The following TEX9 variants were observed in gnomAD, a reference collection of about 807,000 sequenced individuals.
TEX9 encodes the protein testis-expressed protein 9.
In TEX9, 74 loss-of-function variants were observed where a neutral mutation model predicts 59.6. The observed-to-expected ratio is 1.24, with a 90% CI of 1.03 to 1.51. The LOEUF is 1.51. TEX9 is among the 40% of genes most tolerant of loss of function. TEX9 has a pLI of 0.00. For missense variants in TEX9, 522 were observed against 447.8 expected (o/e 1.17, Z -1.49); for synonymous variants, 186 against 152.2 (o/e 1.22, Z -1.64).
At chr15:56,362,181 G>T (rs1379326616), upstream of TEX9, among the ~76,000 whole-genome samples, 2 of 152,112 alleles carry the variant, frequency 1.3e-5, no homozygotes, top group African/African-American at 4.8e-5. Flanking sequence ...GCTAATTGAT[G>T]GTGCTGTCCA....
chr15:56,428,222 A>G (rs1198990872), intron 11 of TEX9, 145 bp from the exon 12 acceptor site: 3 of 570,040 alleles, frequency 5.3e-6, no homozygotes, highest in East Asian at 2.8e-5. Context: ...TTCAAATATC[A>G]TGCTTATTGG....
intron 1 of TEX9, among the ~76,000 whole-genome samples, chr15:56,351,970 A>G (rs1248598203): frequency 6.6e-6 from 1 of 152,220 alleles, no homozygotes; most frequent in Non-Finnish European, 1.5e-5. Flanking sequence ...GGCATTTTAG[A>G]CACTATTATC....
the TEX9 span, among the ~76,000 whole-genome samples, chr15:56,457,900 T>A: frequency 1.7e-3 from 248 of 148,240 alleles, 1 homozygote; most frequent in African/African-American, 5.8e-3. Context: ...TGAAAACTTT[T>A]TATTTAAAAA....
At chr15:56,380,230 T>C (rs1483882308) in intron 3 of TEX9, among the ~76,000 whole-genome samples, 2 of 152,192 alleles carry the variant, frequency 1.3e-5, no homozygotes, top group Non-Finnish European at 2.9e-5. Flanking sequence ...TACTATCATA[T>C]AACCCATTGT....
chr15:56,245,360 C>T (rs1226465601), intron 1 of TEX9, among the ~76,000 whole-genome samples: 1 of 152,182 alleles, frequency 6.6e-6, no homozygotes, highest in African/African-American at 2.4e-5. Flanking sequence ...CGCCCCCCCG[C>T]CCCCGGGGCC....
intron 12 of TEX9, among the ~76,000 whole-genome samples, chr15:56,441,915 G>A (rs937900786): frequency 6.6e-6 from 1 of 152,054 alleles, no homozygotes; most frequent in Non-Finnish European, 1.5e-5. Flanking sequence ...AGCTACTTGG[G>A]AGGCTGAGGC....
At chr15:56,360,032 A>C (rs564910837) in intron 1 of TEX9, among the ~76,000 whole-genome samples, 2 of 152,218 alleles carry the variant, frequency 1.3e-5, no homozygotes, top group South Asian at 4.1e-4. Context: ...TGCTGAATTC[A>C]TTGATTGATT....
intron 1 of TEX9, among the ~76,000 whole-genome samples, chr15:56,294,721 G>T (rs538125624): frequency 5.9e-5 from 9 of 152,216 alleles, no homozygotes; most frequent in Admixed American, 2.6e-4. Flanking sequence ...TAGCTGGGAG[G>T]AAATACCATG....
upstream of TEX9, among the ~76,000 whole-genome samples, chr15:56,363,874 A>G (rs531245543): frequency 1.4e-5 from 2 of 144,972 alleles, no homozygotes; most frequent in African/African-American, 5.2e-5. Flanking sequence ...GTAGAGATGG[A>G]GTCTTGCTGT....
intron 1 of TEX9, among the ~76,000 whole-genome samples, chr15:56,338,514 T>C (rs2046302589): frequency 6.6e-6 from 1 of 152,212 alleles, no homozygotes. Context: ...TGATCCCTTG[T>C]ATAGTGGTGT....
At chr15:56,325,596 T>C (rs1223462629) in intron 1 of TEX9, among the ~76,000 whole-genome samples, 1 of 152,220 alleles carries the variant, frequency 6.6e-6, no homozygotes, top group Non-Finnish European at 1.5e-5. Context: ...ACATTGGCTC[T>C]TCCTGTCTCT....
At chr15:56,282,247 A>G (rs938131927) in intron 1 of TEX9, among the ~76,000 whole-genome samples, 1 of 152,210 alleles carries the variant, frequency 6.6e-6, no homozygotes, top group African/African-American at 2.4e-5. Context: ...AAATCACTTA[A>G]AACGTCACAA....
At chr15:56,439,342 A>T (rs2140345553) in intron 12 of TEX9, among the ~76,000 whole-genome samples, 1 of 152,224 alleles carries the variant, frequency 6.6e-6, no homozygotes, top group African/African-American at 2.4e-5. Flanking sequence ...CCCCAAACTG[A>T]TATTCAAATT....
intron 1 of TEX9, among the ~76,000 whole-genome samples, chr15:56,331,272 T>A (rs1176791290): frequency 6.6e-6 from 1 of 152,156 alleles, no homozygotes; most frequent in East Asian, 1.9e-4. Flanking sequence ...CAAGGAAACA[T>A]CAGACTTAGT....
intron 12 of TEX9, among the ~76,000 whole-genome samples, chr15:56,436,769 G>C (rs1377316622): frequency 1.3e-5 from 2 of 152,072 alleles, no homozygotes; most frequent in Non-Finnish European, 2.9e-5. Context: ...AAATGATAAA[G>C]GGGATATCAC....
At chr15:56,395,062 TCAC>T (rs1385350880) in intron 9 of TEX9, 11 of 520,220 alleles carry the variant, frequency 2.1e-5, no homozygotes, top group Middle Eastern at 4.9e-4. Context: ...TGTGCAACTA[TCAC>T]CACAACCATT....
intron 12 of TEX9, chr15:56,429,300 A>AAATCT: frequency 1.4e-6 from 1 of 691,396 alleles, no homozygotes; most frequent in Non-Finnish European, 2.4e-6. Context: ...CAAGGTAATG[A>AAATCT]AATCTATTCA....
intron 1 of TEX9, among the ~76,000 whole-genome samples, chr15:56,341,696 G>C (rs182045575): frequency 6.6e-6 from 1 of 152,056 alleles, no homozygotes; most frequent in South Asian, 2.1e-4. Flanking sequence ...AAAAATAATA[G>C]TAATTATTAT....
intron 1 of TEX9, among the ~76,000 whole-genome samples, chr15:56,309,164 G>T (rs2045547270): frequency 6.6e-6 from 1 of 152,060 alleles, no homozygotes; most frequent in African/African-American, 2.4e-5. Flanking sequence ...ACATTAGGAC[G>T]TTCATTATCA....
Sources: gnomAD v4.1 joint callset for allele counts (sites outside exome capture counted in the v4.1 genomes callset) on GRCh38, gnomAD v4.1.1 for gene constraint, MANE v1.5 for transcripts, NCBI Gene and HGNC (gene_info 2026-07-23, HGNC 2026-07-21) for gene names.